CCNK: variants seen among roughly 807,000 people sequenced by gnomAD.
CCNK encodes the protein cyclin K.
In CCNK, 9 loss-of-function variants were observed where a neutral mutation model predicts 65.0. The observed-to-expected ratio is 0.14, with a 90% CI of 0.08 to 0.24. CCNK has a LOEUF of 0.24. Among genes scored for constraint, CCNK ranks in the 10% least tolerant of loss-of-function variants. The pLI, the probability that CCNK is intolerant of heterozygous loss-of-function variation, is 1.00. For synonymous variants in CCNK, 279 were observed against 270.8 expected, an observed-to-expected ratio of 1.03 and a Z score of -0.30; for missense variants, 474 against 720.0, an observed-to-expected ratio of 0.66 and a Z score of 3.91.
chr14:99,499,073 C>G (rs1333029807), intron 4 of CCNK, among the ~76,000 whole-genome samples: 2 of 152,196 alleles, frequency 1.3e-5, no homozygotes, highest in Non-Finnish European at 2.9e-5. Context: ...GAGTCTCACT[C>G]TTGTTACTCA....
At chr14:99,496,760 A>AT (rs1290542392) in intron 4 of CCNK, among the ~76,000 whole-genome samples, 1 of 150,884 alleles carries the variant, frequency 6.6e-6, no homozygotes, top group Non-Finnish European at 1.5e-5. Context: ...AACCTTTATT[A>AT]TTTTTTGCTG....
At position 99,502,965 on chromosome 14, in the gene CCNK, G is replaced by A. The variant is rs771726550; in HGVS notation, c.992G>A (p.Arg331Gln). The change falls in exon 8 of 11, where the codon CGA (arginine) becomes CAA (glutamine). Residue 331 changes from arginine to glutamine, a missense_variant. This residue lies in a region of CCNK where 229 missense variants were observed against 275.5 expected (regional missense o/e 0.83). Transcript: ENST00000389879. ...CCCTCTCCGCAGCCCAGTTCTCCCC[G>A]ACAGGTTAAGCGAGCCGTGGTGAGT... is the stretch of plus-strand genomic sequence containing the variant. ...KKPSPQPSSP[R>Q]QVKRAVVVSP... The A allele has an allele frequency of 9.3e-6, 15 of 1,613,836 alleles. No homozygotes were observed. Among genetic ancestry groups the A allele is most frequent in the Middle Eastern group, 1.6e-4 (1 of 6,084 alleles).
intron 9 of CCNK, chr14:99,504,224 G>T: frequency 4.7e-6 from 1 of 210,804 alleles, no homozygotes; most frequent in South Asian, 4.7e-5. Flanking sequence ...TTTGTCACAG[G>T]GTCAGTCCAC....
At chr14:99,507,459 G>A (rs1897003815) in intron 10 of CCNK, 1 of 332,728 alleles carries the variant, frequency 3.0e-6, no homozygotes, top group African/African-American at 2.1e-5. Flanking sequence ...CAACTACTTA[G>A]GAGTCTGAGA....
chr14:99,487,888 A>G (rs1334456257), intron 1 of CCNK, among the ~76,000 whole-genome samples: 2 of 152,252 alleles, frequency 1.3e-5, no homozygotes, highest in Non-Finnish European at 2.9e-5. Context: ...CACATAAGCA[A>G]GTATTCCTTG....
At chr14:99,502,561 A>G in intron 7 of CCNK, 158 bp from the exon 8 acceptor site, 1 of 1,225,726 alleles carries the variant, frequency 8.2e-7, no homozygotes, top group Non-Finnish European at 1.1e-6. Flanking sequence ...GGTAAACTAA[A>G]AATACACACC....
intron 1 of CCNK, among the ~76,000 whole-genome samples, chr14:99,488,219 C>T (rs1441205010): frequency 6.6e-6 from 1 of 151,268 alleles, no homozygotes; most frequent in African/African-American, 2.4e-5. Context: ...CTCCCTAATA[C>T]CCTCTAATAT....
chr14:99,489,894 TAAAC>T (rs1439792559), intron 1 of CCNK, among the ~76,000 whole-genome samples: 9 of 152,160 alleles, frequency 5.9e-5, no homozygotes, highest in Non-Finnish European at 1.0e-4. Context: ...CTAAAGTAAA[TAAAC>T]AAATGGGAGA....
chr14:99,501,025 T>A, intron 5 of CCNK, 154 bp downstream of exon 5: 1 of 624,058 alleles, frequency 1.6e-6, no homozygotes, highest in East Asian at 2.8e-5. Flanking sequence ...GCATTGCAGC[T>A]GCTAATGCTG....
At chr14:99,506,630 A>G (rs1478348602) in intron 9 of CCNK, 1 of 162,678 alleles carries the variant, frequency 6.1e-6, no homozygotes, top group African/African-American at 2.4e-5. Context: ...AGAATAAACT[A>G]TGTCTAAGAA....
chr14:99,510,265 C>CCCCCT lies in CCNK; in HGVS notation c.1226_1227insCCCCT (p.Val410ProfsTer22). ...ATTCCCCCTCCGGCCCACCCGGCCC[C>CCCCCT]TGTGCACCAGCCACCGCCGCTGCCA... On this transcript the variant is annotated frameshift_variant, in exon 11 of 11. Coordinates refer to ENST00000389879, the MANE Select transcript of CCNK (RefSeq NM_001099402.2). LOFTEE classifies it high-confidence loss of function. 1 of 1,560,634 alleles carries CCCCCT rather than the reference C, an allele frequency of 6.4e-7. No homozygotes were observed. Among genetic ancestry groups the CCCCCT allele is most frequent in the Non-Finnish European group, 8.6e-7 (1 of 1,156,662 alleles).
chr14:99,487,215 G>A (rs1896507085), intron 1 of CCNK, among the ~76,000 whole-genome samples: 1 of 152,148 alleles, frequency 6.6e-6, no homozygotes, highest in African/African-American at 2.4e-5. Flanking sequence ...TCAAACACCA[G>A]AAACATTTAC....
At chr14:99,483,843 C>G (rs998780464) in intron 1 of CCNK, among the ~76,000 whole-genome samples, 1 of 152,198 alleles carries the variant, frequency 6.6e-6, no homozygotes, top group Non-Finnish European at 1.5e-5. Flanking sequence ...TGCCCTTACT[C>G]GGATTAACAC....
At position 99,510,142 on chromosome 14, in the gene CCNK, G is replaced by A. The variant is rs761584037; in HGVS notation, c.1118-15G>A. 55 of 1,588,918 alleles carry A rather than the reference G, an allele frequency of 3.5e-5. 1 individual carries two copies. Among genetic ancestry groups the A allele is most frequent in the East Asian group, 9.0e-5 (4 of 44,268 alleles). On this transcript the variant is annotated splice_polypyrimidine_tract_variant and intron_variant, in intron 10 of 10. Coordinates refer to ENST00000389879, the MANE Select transcript of CCNK (RefSeq NM_001099402.2). ...GCTGGCGGAGGCCGGGCACTGATGC[G>A]TCTCTCTCCTGCAGACCGGAAGCCT...
At chr14:99,490,977 A>G (rs959709541) in intron 1 of CCNK, among the ~76,000 whole-genome samples, 49 of 151,494 alleles carry the variant, frequency 3.2e-4, no homozygotes, top group African/African-American at 1.0e-3. Flanking sequence ...CCTTTCTTAC[A>G]TAGATGCTAA....
rs964869039 is a variant in CCNK at position 99,492,813 on chromosome 14, G to A, written c.136G>A (p.Glu46Lys). The change falls in exon 2 of 11, where the codon GAG (glutamate) becomes AAG (lysine). Residue 46 changes from glutamate (E) to lysine (K), a missense_variant. Physicochemically the swap from Glu to Lys is moderately conservative, Grantham distance 56 (BLOSUM62 1). Around this residue, in one of 6 missense-constraint regions of CCNK, gnomAD observed 87 missense variants for 166.2 expected, o/e 0.52. Coordinates refer to ENST00000389879, the MANE Select transcript of CCNK (RefSeq NM_001099402.2). Reference sequence around the variant, plus strand: ...ACTTGAAGGACTTGATCCAGCCACCGAGGCCCGGTACCGCCGAGAGGGCGC... The same window carrying A: ...ACTTGAAGGACTTGATCCAGCCACCAAGGCCCGGTACCGCCGAGAGGGCGC... ...SQLEGLDPAT[E>K]ARYRREGARF... The A allele has an allele frequency of 2.5e-6, 4 of 1,612,784 alleles. No individual in the cohort carries two copies. The highest frequency in any genetic ancestry group is 1.3e-5 in the African/African-American group (1 of 74,778).
chr14:99,509,544 A>AGCACGCACAC (rs1240543848), intron 10 of CCNK: 1 of 154,514 alleles, frequency 6.5e-6, no homozygotes, highest in Non-Finnish European at 1.4e-5. Context: ...GCACGCACGC[A>AGCACGCACAC]GCACGCACAC....
chr14:99,506,513 GC>G (rs3918107), intron 9 of CCNK: 4 of 153,740 alleles, frequency 2.6e-5, no homozygotes, highest in African/African-American at 9.7e-5. Flanking sequence ...TTTGTGAGCG[GC>G]ACATTCTTCC....
At chr14:99,499,727 G>A (rs773214980) in intron 4 of CCNK, among the ~76,000 whole-genome samples, 29 of 152,190 alleles carry the variant, frequency 1.9e-4, no homozygotes, top group African/African-American at 4.6e-4. Flanking sequence ...TTCCATTAAC[G>A]ATAGCAACAG....
Sources: allele counts gnomAD v4.1 joint callset (sites outside exome capture counted in the v4.1 genomes callset), GRCh38; gene constraint gnomAD v4.1.1; regional missense constraint gnomAD v4.1.1; transcripts MANE v1.5; gene names NCBI Gene and HGNC (gene_info 2026-07-23, HGNC 2026-07-21).